The following FRMPD4 variants were observed in gnomAD, a reference collection of about 807,000 sequenced individuals.
FRMPD4 encodes the protein FERM and PDZ domain containing 4.
A neutral mutation model predicts 94.1 loss-of-function variants in FRMPD4; 22 were observed. The ratio of observed to expected loss-of-function variants is 0.23; its 90% CI spans 0.17 to 0.33. FRMPD4 has a LOEUF of 0.33. Among genes scored for constraint, FRMPD4 ranks in the 10% least tolerant of loss-of-function variants. The probability of loss-of-function intolerance (pLI) is 1.00; values close to 1 mark genes in which losing one functional copy is unlikely to be tolerated. For synonymous variants in FRMPD4, 631 were observed against 548.6 expected (o/e 1.15, Z -2.10); for missense variants, 1,111 against 1,339.9 (o/e 0.83, Z 2.67).
intron 1 of FRMPD4, among the ~76,000 whole-genome samples, chrX:12,274,926 G>A (rs2054412052): frequency 8.9e-6 from 1 of 111,936 alleles, no homozygotes; most frequent in Non-Finnish European, 1.9e-5. Flanking sequence ...GGAGAATGGC[G>A]TGAACCCGGG....
At chrX:12,112,902 C>T (rs2055378445) in intron 3 of FRMPD4, among the ~76,000 whole-genome samples, 1 of 111,300 alleles carries the variant, frequency 9.0e-6, no homozygotes, top group African/African-American at 3.3e-5. Flanking sequence ...GTGACCAAGA[C>T]CTGGCCAATT....
intron 2 of FRMPD4, among the ~76,000 whole-genome samples, chrX:12,593,745 T>C (rs1182358454): frequency 9.0e-6 from 1 of 110,776 alleles, no homozygotes; most frequent in Non-Finnish European, 1.9e-5. Flanking sequence ...CTCATGTTTC[T>C]TTTTTTTTCC....
chrX:12,300,250 C>A (rs2054838173), intron 1 of FRMPD4, among the ~76,000 whole-genome samples: 1 of 111,588 alleles, frequency 9.0e-6, no homozygotes, highest in Non-Finnish European at 1.9e-5. Context: ...AGGAGAAGGA[C>A]AATGGAAGGT....
chrX:12,651,461 AATCCTTT>A (rs2059595285), intron 4 of FRMPD4, among the ~76,000 whole-genome samples: 1 of 109,546 alleles, frequency 9.1e-6, no homozygotes, highest in Non-Finnish European at 1.9e-5. Context: ...TCCTTACAAC[AATCCTTT>A]GTACAGGCCT....
intron 4 of FRMPD4, among the ~76,000 whole-genome samples, chrX:12,629,805 G>A (rs1340925321): frequency 8.9e-6 from 1 of 112,192 alleles, no homozygotes; most frequent in Non-Finnish European, 1.9e-5. Context: ...TTTGTGGCCT[G>A]TAGCAAGTTA....
rs937231053 is a variant in FRMPD4, at chrX:12,293,507, G to A, written c.41+154495G>A. Among the ~76,000 whole-genome samples the A allele has an allele frequency of 2.7e-5, 3 of 112,105 alleles. No homozygotes were observed. The Admixed American group carries it at 2.8e-4, about 11-fold the overall frequency. ...TCTTTAAATTGTTCTTGTAATGGGC[G>A]GCCACTGTTGTACAACAAGAAAGAA... On this transcript the variant is annotated intron_variant, in intron 1 of 16. Coordinates refer to ENST00000675598, the MANE Select transcript of FRMPD4 (RefSeq NM_001368397.1).
intron 3 of FRMPD4, among the ~76,000 whole-genome samples, chrX:12,077,687 C>T (rs1172331673): frequency 2.7e-5 from 3 of 111,213 alleles, no homozygotes; most frequent in Non-Finnish European, 3.8e-5. Context: ...ACATAGTTCT[C>T]TTTGATGCAC....
chrX:12,141,945 A>G (rs1489028770), intron 1 of FRMPD4, among the ~76,000 whole-genome samples: 1 of 112,040 alleles, frequency 8.9e-6, no homozygotes, highest in Non-Finnish European at 1.9e-5. Context: ...GCATTCTTTC[A>G]AATGTTTATA....
chrX:11,973,493 C>T (rs1320053557), intron 3 of FRMPD4, among the ~76,000 whole-genome samples: 1 of 111,528 alleles, frequency 9.0e-6, no homozygotes, highest in Non-Finnish European at 1.9e-5. Flanking sequence ...TAGCACCCCT[C>T]CCCTACTGAA....
At chrX:12,174,565 TC>T (rs746633011) in intron 1 of FRMPD4, among the ~76,000 whole-genome samples, 97 of 111,952 alleles carry the variant, frequency 8.7e-4, no homozygotes, top group Non-Finnish European at 1.5e-3. Flanking sequence ...CTCTACTCCG[TC>T]CCCTTCTTCC....
chrX:12,127,555 G>A (rs1333293622), intron 3 of FRMPD4, among the ~76,000 whole-genome samples: 1 of 111,643 alleles, frequency 9.0e-6, no homozygotes, highest in Admixed American at 9.5e-5. Flanking sequence ...AATTCAAGAT[G>A]AGAGTTGGAT....
intron 3 of FRMPD4, among the ~76,000 whole-genome samples, chrX:11,926,363 CA>C (rs1359340656): frequency 6.4e-5 from 7 of 109,134 alleles, no homozygotes; most frequent in Non-Finnish European, 1.3e-4. Context: ...GAAACAATTC[CA>C]AAAAAATTGA....
intron 1 of FRMPD4, among the ~76,000 whole-genome samples, chrX:12,357,615 T>A (rs2055913991): frequency 8.9e-6 from 1 of 111,838 alleles, no homozygotes; most frequent in Non-Finnish European, 1.9e-5. Context: ...GTCCTGGCAA[T>A]TTACTCAGGT....
chrX:11,849,646 G>T (rs1464152700), intron 1 of FRMPD4, among the ~76,000 whole-genome samples: 1 of 107,845 alleles, frequency 9.3e-6, no homozygotes, highest in Admixed American at 9.9e-5. Flanking sequence ...TTTAATGAGA[G>T]TGCCAAGACA....
chrX:12,401,977 G>A (rs1434515001), intron 1 of FRMPD4, among the ~76,000 whole-genome samples: 2 of 111,105 alleles, frequency 1.8e-5, no homozygotes, highest in African/African-American at 6.5e-5. Flanking sequence ...GAGTTTTTTG[G>A]GGGATAGTGG....
intron 3 of FRMPD4, among the ~76,000 whole-genome samples, chrX:12,121,889 C>A (rs2055457481): frequency 9.0e-6 from 1 of 111,412 alleles, no homozygotes; most frequent in Non-Finnish European, 1.9e-5. Flanking sequence ...AGCAGTCTTC[C>A]TCTGTAAGTC....
chrX:12,281,722 T>G (rs2054529568), intron 1 of FRMPD4, among the ~76,000 whole-genome samples: 1 of 112,011 alleles, frequency 8.9e-6, no homozygotes, highest in South Asian at 3.7e-4. Context: ...TTGTTGTTGT[T>G]AGTTTTAATA....
intron 3 of FRMPD4, among the ~76,000 whole-genome samples, chrX:12,002,356 T>A (rs1216789447): frequency 8.9e-6 from 1 of 111,911 alleles, no homozygotes; most frequent in Non-Finnish European, 1.9e-5. Context: ...TTGATTGTGT[T>A]TCAGGTCAGC....
Position 12,451,793 on chromosome X carries a change from CCTGT to C in FRMPD4, c.42-46882_42-46879del, listed in dbSNP as rs1490580436. On this transcript the variant is annotated intron_variant, in intron 1 of 16. Transcript: ENST00000675598. ...TCTACTTACTTTCCTCTTTTCCATT[CCTGT>C]CTGTGTCCCAAGTGTTTGCATATTA... Among the ~76,000 whole-genome samples, 5 of 105,523 alleles carry C rather than the reference CCTGT, an allele frequency of 4.7e-5. No individual in the cohort carries two copies. In the South Asian group the frequency reaches 1.3e-3, roughly 28 times the overall value. 91.6% of individuals were successfully genotyped at this position (105,523 alleles called of 115,157 possible). A position where few individuals can be genotyped will look rare whatever the true frequency, so the allele number is the denominator to read the frequency against.
Sources: gnomAD v4.1 joint callset for allele counts (sites outside exome capture counted in the v4.1 genomes callset) on GRCh38, gnomAD v4.1.1 for gene constraint, MANE v1.5 for transcripts, NCBI Gene and HGNC (gene_info 2026-07-23, HGNC 2026-07-21) for gene names.